Variants in CCSER1 observed in about 807,000 individuals in gnomAD.
CCSER1 encodes serine-rich coiled-coil domain-containing protein 1.
A neutral mutation model predicts 82.0 loss-of-function variants in CCSER1; 41 were observed. The observed-to-expected ratio is 0.50, with a 90% CI of 0.39 to 0.65. The LOEUF is 0.65. Among genes scored for constraint, CCSER1 ranks in the 30% least tolerant of loss-of-function variants. The pLI is 0.00. For synonymous variants in CCSER1, 414 were observed against 383.9 expected (o/e 1.08, Z -0.92); for missense variants, 1,119 against 1,064.2 (o/e 1.05, Z -0.72).
At chr4:90,505,522 T>G (rs1009580265) in intron 5 of CCSER1, among the ~76,000 whole-genome samples, 1 of 152,206 alleles carries the variant, frequency 6.6e-6, no homozygotes, top group Non-Finnish European at 1.5e-5. Context: ...TCAGAAAAGA[T>G]GTCACAGAGT....
intron 10 of CCSER1, among the ~76,000 whole-genome samples, chr4:91,391,684 A>T (rs1751660584): frequency 6.6e-6 from 1 of 152,144 alleles, no homozygotes; most frequent in Non-Finnish European, 1.5e-5. Context: ...CTTCTTGTTT[A>T]GTTCCATTGT....
intron 7 of CCSER1, among the ~76,000 whole-genome samples, chr4:90,814,109 GCCA>G (rs1321975664): frequency 6.6e-6 from 1 of 152,218 alleles, no homozygotes; most frequent in Non-Finnish European, 1.5e-5. Context: ...CCACATGTAA[GCCA>G]CCAATGCTTG....
At chr4:90,348,878 A>G (rs1742906541) in intron 3 of CCSER1, among the ~76,000 whole-genome samples, 1 of 152,170 alleles carries the variant, frequency 6.6e-6, no homozygotes, top group Non-Finnish European at 1.5e-5. Flanking sequence ...ACTATCTGGA[A>G]TGTGGCTTTG....
At chr4:90,302,078 T>C (rs1206894119) in intron 1 of CCSER1, among the ~76,000 whole-genome samples, 3 of 152,222 alleles carry the variant, frequency 2.0e-5, no homozygotes, top group Non-Finnish European at 4.4e-5. Flanking sequence ...ATAAGATTTA[T>C]TCATGGCAGT....
At chr4:91,000,157 G>A (rs1476382301) in intron 9 of CCSER1, among the ~76,000 whole-genome samples, 7 of 151,476 alleles carry the variant, frequency 4.6e-5, no homozygotes, top group African/African-American at 1.7e-4. Flanking sequence ...GTCTGTTTTT[G>A]TACCAGTACC....
At chr4:91,037,067 ACT>A (rs1459457159) in intron 9 of CCSER1, among the ~76,000 whole-genome samples, 1 of 151,980 alleles carries the variant, frequency 6.6e-6, no homozygotes, top group Non-Finnish European at 1.5e-5. Flanking sequence ...ACAGAGTGAG[ACT>A]CTGTCTCAAA....
At chr4:91,482,717 A>G (rs1252725280) in intron 10 of CCSER1, among the ~76,000 whole-genome samples, 2 of 152,148 alleles carry the variant, frequency 1.3e-5, no homozygotes, top group African/African-American at 4.8e-5. Flanking sequence ...ATGATAGGCT[A>G]GATTAAGAAA....
At chr4:91,432,901 T>C (rs868143416) in intron 10 of CCSER1, among the ~76,000 whole-genome samples, 2 of 152,272 alleles carry the variant, frequency 1.3e-5, no homozygotes, top group East Asian at 1.9e-4. Context: ...CCCACTCTGA[T>C]AGTGTGAAAG....
intron 5 of CCSER1, among the ~76,000 whole-genome samples, chr4:90,611,613 TATTA>T (rs1400254894): frequency 5.9e-5 from 9 of 151,422 alleles, no homozygotes; most frequent in African/African-American, 1.2e-4. Context: ...TTTTTGTGTG[TATTA>T]ATTAATAAGC....
At chr4:90,995,967 T>C (rs1266383366) in intron 9 of CCSER1, among the ~76,000 whole-genome samples, 1 of 152,126 alleles carries the variant, frequency 6.6e-6, no homozygotes, top group Non-Finnish European at 1.5e-5. Context: ...TTCAATTTGT[T>C]CAGATTTTGA....
chr4:90,713,178 C>T (rs1175607274), intron 6 of CCSER1, among the ~76,000 whole-genome samples: 8 of 151,782 alleles, frequency 5.3e-5, no homozygotes, highest in East Asian at 1.9e-4. Flanking sequence ...AATTTGATCC[C>T]GTCATAATGA....
chr4:91,011,465 T>C lies in CCSER1; in HGVS notation c.2173-74485T>C, dbSNP rs1430314647. Among the ~76,000 whole-genome samples, 2 of 133,554 alleles carry C rather than the reference T, an allele frequency of 1.5e-5. 1 individual carries two copies. Among genetic ancestry groups the C allele is most frequent in the Non-Finnish European group, 3.5e-5 (2 of 57,450 alleles). 87.6% of individuals were successfully genotyped at this position (133,554 alleles called of 152,430 possible). A position where few individuals can be genotyped will look rare whatever the true frequency, so the allele number is the denominator to read the frequency against. ...GAGCCAAGGTCCTAGACTCAGGGTG[T>C]CAAGAACCTATTGTGGCACCTGAGT... On this transcript the variant is annotated intron_variant, in intron 9 of 10. Coordinates refer to ENST00000509176, the MANE Select transcript of CCSER1 (RefSeq NM_001145065.2).
intron 10 of CCSER1, among the ~76,000 whole-genome samples, chr4:91,097,313 T>C (rs1724607339): frequency 7.0e-6 from 1 of 143,642 alleles, no homozygotes; most frequent in Admixed American, 7.0e-5. Flanking sequence ...ACACTGGCTA[T>C]TGGAACTTTT....
chr4:91,547,139 G>A (rs1302481802), intron 10 of CCSER1, among the ~76,000 whole-genome samples: 1 of 151,880 alleles, frequency 6.6e-6, no homozygotes, highest in South Asian at 2.1e-4. Context: ...TTGTTAAGGT[G>A]TGTTTTATGG....
intron 10 of CCSER1, among the ~76,000 whole-genome samples, chr4:91,400,513 A>G (rs888013762): frequency 6.7e-6 from 1 of 149,480 alleles, no homozygotes; most frequent in Non-Finnish European, 1.5e-5. Context: ...TCCATATATT[A>G]TTGATCATTT....
chr4:90,610,195 G>A (rs1785266713), intron 5 of CCSER1, among the ~76,000 whole-genome samples: 1 of 151,840 alleles, frequency 6.6e-6, no homozygotes, highest in Admixed American at 6.6e-5. Flanking sequence ...GGAGCTTGCA[G>A]TGAGCCAAGA....
intron 10 of CCSER1, among the ~76,000 whole-genome samples, chr4:91,214,520 C>A (rs1188634161): frequency 6.6e-6 from 1 of 152,084 alleles, no homozygotes; most frequent in Non-Finnish European, 1.5e-5. Context: ...TTTTATTTCT[C>A]TACCTATTCA....
chr4:91,500,441 A>C (rs1440515652), intron 10 of CCSER1, among the ~76,000 whole-genome samples: 1 of 151,936 alleles, frequency 6.6e-6, no homozygotes, highest in East Asian at 1.9e-4. Flanking sequence ...TCTTGTTGTG[A>C]AGTCTTAAGC....
intron 10 of CCSER1, among the ~76,000 whole-genome samples, chr4:91,206,738 G>A (rs1376583405): frequency 2.0e-5 from 3 of 151,812 alleles, no homozygotes; most frequent in African/African-American, 4.8e-5. Flanking sequence ...AGAAATATTG[G>A]TAACAAAGGC....
Sources: allele counts gnomAD v4.1 joint callset (sites outside exome capture counted in the v4.1 genomes callset), GRCh38; gene constraint gnomAD v4.1.1; transcripts MANE v1.5; gene names NCBI Gene and HGNC (gene_info 2026-07-23, HGNC 2026-07-21).